HPSE2: variants seen among roughly 807,000 people sequenced by gnomAD.
The protein encoded by HPSE2 is inactive heparanase-2.
In HPSE2, 38 loss-of-function variants were observed where a neutral mutation model predicts 60.5. The ratio of observed to expected loss-of-function variants is 0.63; its 90% confidence interval spans 0.48 to 0.82. The LOEUF (loss-of-function observed/expected upper bound fraction) is 0.82, where lower values mean the gene tolerates loss of function less well. Ranked by LOEUF, HPSE2 falls within the 40% of genes least tolerant of loss-of-function variation. The pLI is 0.00. For missense variants in HPSE2, 713 were observed against 740.4 expected (o/e 0.96, Z 0.43); for synonymous variants, 295 against 293.2 (o/e 1.01, Z -0.06).
At chr10:99,280,157 T>C in the HPSE2 span, among the ~76,000 whole-genome samples, 629 of 152,264 alleles carry the variant, frequency 4.1e-3, 6 homozygotes, top group African/African-American at 0.015. Context: ...TCCAAAATGA[T>C]TAGTTTGTGA....
At chr10:99,121,551 T>C (rs894609692) in intron 3 of HPSE2, among the ~76,000 whole-genome samples, 5 of 148,310 alleles carry the variant, frequency 3.4e-5, no homozygotes, top group African/African-American at 1.2e-4. Context: ...AAATAAAGAA[T>C]GTAAAAAGAC....
chr10:99,215,666 T>C (rs138074451), intron 2 of HPSE2, among the ~76,000 whole-genome samples: 1 of 152,342 alleles, frequency 6.6e-6, no homozygotes, highest in Non-Finnish European at 1.5e-5. Flanking sequence ...ACATGTTGTA[T>C]GATTCCCATC....
intron 11 of HPSE2, among the ~76,000 whole-genome samples, chr10:98,481,914 G>A (rs1941252463): frequency 6.6e-6 from 1 of 152,222 alleles, no homozygotes; most frequent in Admixed American, 6.5e-5. Context: ...CCTTCTCACT[G>A]TGGCCTAGAG....
intron 5 of HPSE2, among the ~76,000 whole-genome samples, chr10:98,713,720 T>G (rs2134227165): frequency 6.6e-6 from 1 of 151,960 alleles, no homozygotes; most frequent in South Asian, 2.1e-4. Context: ...AATGTTTTAT[T>G]TTTTTTTCCT....
chr10:99,166,422 C>T (rs1847084422), intron 2 of HPSE2, among the ~76,000 whole-genome samples: 1 of 152,116 alleles, frequency 6.6e-6, no homozygotes, highest in African/African-American at 2.4e-5. Flanking sequence ...GCATTCTCAC[C>T]AGCATTGTAT....
chr10:99,056,573 G>A (rs1308052283), intron 3 of HPSE2, among the ~76,000 whole-genome samples: 1 of 152,116 alleles, frequency 6.6e-6, no homozygotes, highest in Non-Finnish European at 1.5e-5. Flanking sequence ...AACAAATGTT[G>A]CTGGAACAAT....
the HPSE2 span, among the ~76,000 whole-genome samples, chr10:99,269,385 CT>C: frequency 6.6e-6 from 1 of 152,100 alleles, no homozygotes; most frequent in East Asian, 1.9e-4. Context: ...ATAAAAATAA[CT>C]TGTCCAACAC....
intron 2 of HPSE2, among the ~76,000 whole-genome samples, chr10:99,228,706 T>C (rs1371820824): frequency 6.6e-6 from 1 of 152,228 alleles, no homozygotes; most frequent in African/African-American, 2.4e-5. Context: ...AGTAGAATAG[T>C]TAACTGCATT....
At chr10:99,083,063 A>G (rs1383706491) in intron 3 of HPSE2, among the ~76,000 whole-genome samples, 1 of 152,224 alleles carries the variant, frequency 6.6e-6, no homozygotes, top group Non-Finnish European at 1.5e-5. Context: ...AGATGTTTAG[A>G]GGAATAAAGT....
the HPSE2 span, among the ~76,000 whole-genome samples, chr10:99,290,194 G>A: frequency 1.1e-3 from 171 of 152,182 alleles, no homozygotes; most frequent in Non-Finnish European, 1.8e-3. Flanking sequence ...GAAGAGAGTC[G>A]TCTTAAAGTT....
the HPSE2 span, among the ~76,000 whole-genome samples, chr10:99,265,148 CCTAA>C: frequency 2.3e-4 from 35 of 152,266 alleles, no homozygotes; most frequent in Admixed American, 2.0e-3. Flanking sequence ...CCTGCCGCAC[CCTAA>C]CTGACACGAT....
In HPSE2 at chr10:98,559,596, G is replaced by A. The variant is rs77557901; in HGVS notation, c.1320+55308C>T. 8.9e-3 allele frequency among the ~76,000 whole-genome samples: 1,351 copies of A among 152,168 alleles called. 18 individuals carry two copies. The highest frequency in any genetic ancestry group is 0.031 in the African/African-American group (1,289 of 41,514). ...GCTTCCTGATTTCATTAATCCATCC[G>A]CTCACTCACCGACCGACAAACATTT... On this transcript the variant is annotated intron_variant, in intron 9 of 11. Transcript: ENST00000370552.
intron 9 of HPSE2, among the ~76,000 whole-genome samples, chr10:98,490,711 G>C (rs1296775835): frequency 6.6e-6 from 1 of 152,180 alleles, no homozygotes; most frequent in Non-Finnish European, 1.5e-5. Context: ...CCACATAGGA[G>C]ACCAGAGTCC....
chr10:99,041,497 C>G (rs1957738702), intron 3 of HPSE2, among the ~76,000 whole-genome samples: 1 of 152,146 alleles, frequency 6.6e-6, no homozygotes, highest in Non-Finnish European at 1.5e-5. Context: ...GGACTCCAAA[C>G]TAACACAGAG....
intron 3 of HPSE2, among the ~76,000 whole-genome samples, chr10:98,999,235 G>C (rs936823741): frequency 4.0e-5 from 6 of 151,378 alleles, no homozygotes; most frequent in Admixed American, 6.6e-5. Context: ...ATCAGAAGGA[G>C]CTAACTCATC....
At chr10:98,734,743 G>A (rs931372803) in intron 4 of HPSE2, among the ~76,000 whole-genome samples, 13 of 151,888 alleles carry the variant, frequency 8.6e-5, no homozygotes, top group African/African-American at 3.1e-4. Context: ...GACAGCAAAT[G>A]ATATTCATAT....
At chr10:98,888,081 T>C (rs1396928002) in intron 3 of HPSE2, among the ~76,000 whole-genome samples, 1 of 151,170 alleles carries the variant, frequency 6.6e-6, no homozygotes, top group Non-Finnish European at 1.5e-5. Context: ...ACTCAAAGGA[T>C]AAATGCTTGA....
intron 3 of HPSE2, among the ~76,000 whole-genome samples, chr10:98,898,783 C>A (rs1388181315): frequency 2.6e-5 from 4 of 152,118 alleles, no homozygotes; most frequent in Non-Finnish European, 4.4e-5. Context: ...TACAATCCAA[C>A]TGGTGTAAAG....
chr10:98,668,931 A>C (rs1947438286), intron 6 of HPSE2, among the ~76,000 whole-genome samples: 1 of 152,232 alleles, frequency 6.6e-6, no homozygotes, highest in African/African-American at 2.4e-5. Flanking sequence ...GAGCTTCTGC[A>C]CAGCAAAATA....
Sources: allele counts gnomAD v4.1 joint callset (sites outside exome capture counted in the v4.1 genomes callset), GRCh38; gene constraint gnomAD v4.1.1; transcripts MANE v1.5; gene names NCBI Gene and HGNC (gene_info 2026-07-23, HGNC 2026-07-21).